The following NOX5 variants were observed in gnomAD, a reference collection of about 807,000 sequenced individuals.
The protein encoded by NOX5 is NADPH oxidase, EF-hand calcium binding domain 5.
A neutral mutation model predicts 85.7 loss-of-function variants in NOX5; 76 were observed. That is an observed-to-expected ratio of 0.89 (90% CI 0.74 to 1.07). The LOEUF (loss-of-function observed/expected upper bound fraction) is 1.07. Among genes scored for constraint, NOX5 ranks in the 50% least tolerant of loss-of-function variants. The probability of loss-of-function intolerance (pLI) is 0.00; values close to 1 mark genes in which losing one functional copy is unlikely to be tolerated. For synonymous variants in NOX5, 405 were observed against 401.4 expected, an observed-to-expected ratio of 1.01 and a Z score of -0.11; for missense variants, 973 against 999.5, an observed-to-expected ratio of 0.97 and a Z score of 0.36.
At chr15:69,019,771 C>T (rs2050275963) in intron 1 of NOX5, among the ~76,000 whole-genome samples, 1 of 152,134 alleles carries the variant, frequency 6.6e-6, no homozygotes, top group African/African-American at 2.4e-5. Context: ...GGATATGGGC[C>T]ATTATGCAGT....
chr15:69,017,497 T>C (rs960224199), intron 1 of NOX5, among the ~76,000 whole-genome samples: 6 of 152,122 alleles, frequency 3.9e-5, no homozygotes, highest in African/African-American at 1.4e-4. Flanking sequence ...TTTTAACCAA[T>C]TGCCAATCAG....
chr15:69,031,174 C>T (rs1259095652), intron 3 of NOX5: 1 of 320,484 alleles, frequency 3.1e-6, no homozygotes, highest in Admixed American at 4.6e-5. Flanking sequence ...GGCACACTCC[C>T]TCAGCGCTAA....
At chr15:69,034,359 TC>T (rs2050484819) in intron 5 of NOX5, among the ~76,000 whole-genome samples, 1 of 152,194 alleles carries the variant, frequency 6.6e-6, no homozygotes. Context: ...GGGGTACCCA[TC>T]CCTAAAGTGG....
rs749085550 is a variant in NOX5, at chr15:69,028,296, C to A, written c.256C>A (p.Leu86Met). The A allele has an allele frequency of 6.2e-7, 1 of 1,613,572 alleles. No homozygotes were observed. Among genetic ancestry groups the A allele is most frequent in the East Asian group, 2.2e-5 (1 of 44,844 alleles). ...CACCCTCCAGGAGCTGCAGGAGGCA[C>A]TGACCCTGCTCATCCATGGCAGCCC... The part of the protein sequence containing the change: ...TITLQELQEA[L>M]TLLIHGSPMD... The change falls in exon 3 of 16, where the codon CTG becomes ATG. Residue 86 changes from leucine to methionine, a missense_variant. Leu to Met is a conservative substitution (Grantham distance 15). Transcript: ENST00000388866.
At chr15:69,050,708 A>G (rs1198778042) in intron 14 of NOX5, among the ~76,000 whole-genome samples, 1 of 152,196 alleles carries the variant, frequency 6.6e-6, no homozygotes, top group African/African-American at 2.4e-5. Flanking sequence ...TTCTTTAAAT[A>G]GTACTGCACT....
chr15:69,044,988 G>A (rs565804098), intron 10 of NOX5, among the ~76,000 whole-genome samples: 18 of 152,086 alleles, frequency 1.2e-4, no homozygotes, highest in African/African-American at 4.1e-4. Context: ...CGAAGACCTG[G>A]TGTACACGAA....
intron 1 of NOX5, among the ~76,000 whole-genome samples, chr15:69,016,789 G>A (rs1402631777): frequency 6.6e-6 from 1 of 150,384 alleles, no homozygotes; most frequent in African/African-American, 2.5e-5. Context: ...AAGCATATAT[G>A]ACATATGCAT....
intron 8 of NOX5, chr15:69,038,488 A>T: frequency 3.2e-6 from 1 of 310,322 alleles, no homozygotes; most frequent in East Asian, 8.9e-5. Context: ...ATGCCCATTG[A>T]TGGTTAGAAT....
At chr15:69,032,744 T>A (rs1463319065) in intron 4 of NOX5, among the ~76,000 whole-genome samples, 2 of 152,216 alleles carry the variant, frequency 1.3e-5, no homozygotes, top group African/African-American at 4.8e-5. Flanking sequence ...GGGGCTTACT[T>A]ACCAAAACAT....
chr15:69,027,673 C>T (rs774237500), intron 2 of NOX5, among the ~76,000 whole-genome samples: 1 of 152,160 alleles, frequency 6.6e-6, no homozygotes, highest in African/African-American at 2.4e-5. Flanking sequence ...TACAAGACTG[C>T]TCAGTGAATG....
intron 14 of NOX5, among the ~76,000 whole-genome samples, chr15:69,051,742 T>C (rs969786391): frequency 1.3e-5 from 2 of 152,084 alleles, no homozygotes; most frequent in Admixed American, 6.5e-5. Flanking sequence ...TATATATTTA[T>C]GGGGGGTGAG....
chr15:69,055,572 C>T (rs1037817722), intron 15 of NOX5, 72 bp downstream of exon 15: 77 of 1,542,248 alleles, frequency 5.0e-5, no homozygotes, highest in African/African-American at 1.4e-4. Context: ...GGTGGGGAGA[C>T]GAGGCCCAAG....
intron 14 of NOX5, among the ~76,000 whole-genome samples, chr15:69,052,529 T>G (rs1047020455): frequency 1.3e-5 from 2 of 152,228 alleles, no homozygotes; most frequent in African/African-American, 4.8e-5. Context: ...GGCATAGTGT[T>G]TTAGACTTGT....
chr15:69,057,332 T>A lies in NOX5; in HGVS notation c.*636T>A, dbSNP rs1230104363. 1 of 152,258 alleles carries A rather than the reference T, an allele frequency of 6.6e-6. No homozygotes were observed. Among genetic ancestry groups the A allele is most frequent in the East Asian group, 1.9e-4 (1 of 5,198 alleles). 9.4% of individuals were successfully genotyped at this position (152,258 alleles called of 1,614,324 possible). The stretch of plus-strand genomic sequence containing the variant: ...TGGAGGAGCCTTCTTCAAATGCACA[T>A]TCCTTGGTCCCACTACCAGAAATTC... On this transcript the variant is annotated 3_prime_UTR_variant, in exon 16 of 16. Transcript: ENST00000388866.
At chr15:69,020,446 A>C (rs950782222) in intron 1 of NOX5, among the ~76,000 whole-genome samples, 2 of 152,074 alleles carry the variant, frequency 1.3e-5, no homozygotes, top group African/African-American at 2.4e-5. Flanking sequence ...ATTTGATCAG[A>C]AAATGTAAAT....
chr15:69,042,124 C>T (rs1359984604), intron 9 of NOX5, among the ~76,000 whole-genome samples: 1 of 151,918 alleles, frequency 6.6e-6, no homozygotes, highest in Non-Finnish European at 1.5e-5. Flanking sequence ...CTCTTGCATC[C>T]TCCTCACTCT....
At chr15:69,047,324 G>C in intron 11 of NOX5, 89 bp from the exon 12 acceptor site, 7 of 1,453,428 alleles carry the variant, frequency 4.8e-6, no homozygotes, top group Non-Finnish European at 6.4e-6. Flanking sequence ...TATATAAAGG[G>C]GGTTCTGAAG....
chr15:69,024,698 A>C (rs2140249989), intron 1 of NOX5, among the ~76,000 whole-genome samples: 1 of 152,262 alleles, frequency 6.6e-6, no homozygotes, highest in South Asian at 2.1e-4. Context: ...CTTTATCATA[A>C]GTATGTATTA....
rs1192981307 is a variant in NOX5 at position 69,059,513 on chromosome 15, G to A, written c.*2817G>A. On this transcript the variant is annotated 3_prime_UTR_variant, in exon 16 of 16. Coordinates refer to ENST00000388866, the MANE Select transcript of NOX5 (RefSeq NM_024505.4). Reference sequence around the variant, plus strand: ...AGAAACTCTACCCTCCCCATACCCAGTGTCCAGTTCTGGGCTTTCCTCTTT... The same window carrying A: ...AGAAACTCTACCCTCCCCATACCCAATGTCCAGTTCTGGGCTTTCCTCTTT... 6.6e-6 allele frequency: 1 copy of A among 152,144 alleles called. No homozygotes were observed. Among genetic ancestry groups the A allele is most frequent in the Non-Finnish European group, 1.5e-5 (1 of 68,064 alleles). 9.4% of individuals were successfully genotyped at this position (152,144 alleles called of 1,614,324 possible).
Sources: allele counts gnomAD v4.1 joint callset (sites outside exome capture counted in the v4.1 genomes callset), GRCh38; gene constraint gnomAD v4.1.1; transcripts MANE v1.5; gene names NCBI Gene and HGNC (gene_info 2026-07-23, HGNC 2026-07-21).